Variants in WNT16 observed in about 807,000 individuals in gnomAD.
The protein encoded by WNT16 is Wnt family member 16.
A neutral mutation model predicts 35.4 loss-of-function variants in WNT16; 20 were observed. That is an observed-to-expected ratio of 0.56 (90% confidence interval 0.40 to 0.82). The LOEUF (loss-of-function observed/expected upper bound fraction) is 0.82, where lower values mean the gene tolerates loss of function less well. Ranked by LOEUF, WNT16 falls within the 40% of genes least tolerant of loss-of-function variation. The pLI is 0.00. For missense variants in WNT16, 461 were observed against 466.0 expected, an observed-to-expected ratio of 0.99 and a Z score of 0.10; for synonymous variants, 180 against 179.2, an observed-to-expected ratio of 1.00 and a Z score of -0.03.
At chr7:121,335,986 TTGTGTGTGTG>T (rs36224614) in intron 3 of WNT16, among the ~76,000 whole-genome samples, 23,654 of 140,184 alleles carry the variant, frequency 0.17, 2,069 homozygotes, top group African/African-American at 0.24. Context: ...GAATTAAACT[TTGTGTGTGTG>T]TGTGTGTGTG....
chr7:121,339,660 G>A lies in WNT16; in HGVS notation c.*315G>A. The stretch of plus-strand genomic sequence containing the variant: ...AGAAATAACAGGAAAGATCCCTTAT[G>A]CCAGGAGGCCTGCCATACTCAGGAT... On this transcript the variant is annotated 3_prime_UTR_variant, in exon 4 of 4. Transcript: ENST00000222462. 1 of 448,464 alleles carries A rather than the reference G, an allele frequency of 2.2e-6. No individual in the cohort carries two copies. The allele number at this position is 448,464 out of a possible 1,614,324, so 27.8% of individuals were successfully genotyped here. A position where few individuals can be genotyped will look rare whatever the true frequency, so the allele number is the denominator to read the frequency against.
At chr7:121,330,305 A>G (rs1181772831) in intron 2 of WNT16, among the ~76,000 whole-genome samples, 1 of 152,216 alleles carries the variant, frequency 6.6e-6, no homozygotes, top group Non-Finnish European at 1.5e-5. Context: ...TGACAGAATA[A>G]TGGTGACTTT....
At chr7:121,337,269 T>C (rs529706619) in intron 3 of WNT16, among the ~76,000 whole-genome samples, 22 of 152,224 alleles carry the variant, frequency 1.4e-4, no homozygotes, top group African/African-American at 1.9e-4. Flanking sequence ...ATATCAAGCA[T>C]TGCATAAATC....
At position 121,340,281 on chromosome 7, in the gene WNT16, T is replaced by G. The variant is rs995265583; in HGVS notation, c.*936T>G. 1.3e-5 allele frequency: 2 copies of G among 152,174 alleles called. No homozygotes were observed. The highest frequency in any genetic ancestry group is 2.9e-5 in the Non-Finnish European group (2 of 68,010). 9.4% of individuals were successfully genotyped at this position (152,174 alleles called of 1,614,324 possible). The stretch of plus-strand genomic sequence containing the variant: ...ACAGTGTTTTGTAAAGAATTTTGTT[T>G]AAAAAGTTTCTATTTTGTAAATACA... On this transcript the variant is annotated 3_prime_UTR_variant, in exon 4 of 4. Transcript: ENST00000222462.
In WNT16 at chr7:121,329,638, A is replaced by G; in HGVS notation, c.167A>G (p.Gln56Arg). The G allele has an allele frequency of 6.2e-7, 1 of 1,614,228 alleles. No homozygotes were observed. Among genetic ancestry groups the G allele is most frequent in the Non-Finnish European group, 8.5e-7 (1 of 1,180,028 alleles). The change falls in exon 2 of 4, where the codon CAG (glutamine) becomes CGG (arginine). Residue 56 changes from glutamine to arginine, a missense_variant. Transcript: ENST00000222462. ...GCANLPLNSRQKELCKRKPYL... is the reference protein window; with the variant it reads ...GCANLPLNSRRKELCKRKPYL... ...GCCAATTTGCCGCTGAACAGCCGCC[A>G]GAAGGAGCTGTGCAAGAGGAAACCG...
At chr7:121,334,605 G>A (rs1793407450) in intron 3 of WNT16, among the ~76,000 whole-genome samples, 1 of 152,086 alleles carries the variant, frequency 6.6e-6, no homozygotes, top group Non-Finnish European at 1.5e-5. Flanking sequence ...GTAGGAAAGT[G>A]TTCAGAGAAA....
intron 3 of WNT16, among the ~76,000 whole-genome samples, chr7:121,336,013 TG>T (rs1793440751): frequency 1.3e-5 from 2 of 151,532 alleles, no homozygotes; most frequent in East Asian, 3.9e-4. Context: ...TGTGTGTGTG[TG>T]TGTGTGTGTG....
In WNT16 at chr7:121,329,829, G is replaced by T. The variant is rs1350111532; in HGVS notation, c.346+12G>T. On this transcript the variant is annotated intron_variant, in intron 2 of 3. Coordinates refer to ENST00000222462, the MANE Select transcript of WNT16 (RefSeq NM_057168.2). The stretch of plus-strand genomic sequence containing the variant: ...CGAGCTGAGCAGCGGTGAGTCCTGG[G>T]TCCTTAGGGGTTGGTGGGGGACGGA... The T allele has an allele frequency of 6.3e-7, 1 of 1,596,464 alleles. No homozygotes were observed. The highest frequency in any genetic ancestry group is 1.7e-5 in the Admixed American group (1 of 59,744).
chr7:121,328,796 AG>A (rs1793281994), upstream of WNT16, among the ~76,000 whole-genome samples: 1 of 152,204 alleles, frequency 6.6e-6, no homozygotes, highest in South Asian at 2.1e-4. Flanking sequence ...ACAGCAGGAA[AG>A]GTCATGACAC....
At chr7:121,332,682 G>A (rs1554368046) in intron 3 of WNT16, among the ~76,000 whole-genome samples, 1 of 151,990 alleles carries the variant, frequency 6.6e-6, no homozygotes, top group Admixed American at 6.6e-5. Flanking sequence ...GTAAAGGAAA[G>A]TTTTTTTAGG....
At position 121,329,242 on chromosome 7, in the gene WNT16, G is replaced by A. The variant is rs1250469975; in HGVS notation, c.-51G>A. 6.7e-7 allele frequency: 1 copy of A among 1,493,384 alleles called. No homozygotes were observed. Among genetic ancestry groups the A allele is most frequent in the Admixed American group, 2.3e-5 (1 of 43,146 alleles). 92.5% of individuals were successfully genotyped at this position (1,493,384 alleles called of 1,614,324 possible). ...ACCTGCGGCCCGAAGGGCCTCTGGGGAGGGGGTGCAAAAGAGGAGCGGCTG... is the reference window on the plus strand; with the variant it reads ...ACCTGCGGCCCGAAGGGCCTCTGGGAAGGGGGTGCAAAAGAGGAGCGGCTG... On this transcript the variant is annotated 5_prime_UTR_variant, in exon 1 of 4. Coordinates refer to ENST00000222462, the MANE Select transcript of WNT16 (RefSeq NM_057168.2).
At chr7:121,328,398 G>T (rs567600440), upstream of WNT16, among the ~76,000 whole-genome samples, 1 of 152,182 alleles carries the variant, frequency 6.6e-6, no homozygotes, top group Non-Finnish European at 1.5e-5. Context: ...CACAGAGCAC[G>T]ATTGAAATAT....
intron 3 of WNT16, among the ~76,000 whole-genome samples, chr7:121,333,068 T>C (rs911710640): frequency 1.3e-5 from 2 of 152,062 alleles, no homozygotes; most frequent in African/African-American, 4.8e-5. Flanking sequence ...TGTAATAAAC[T>C]TTTTCAGGAC....
Position 121,329,682 on chromosome 7 carries a change from C to G in WNT16, c.211C>G (p.Arg71Gly), listed in dbSNP as rs775735025. The G allele has an allele frequency of 1.2e-6, 2 of 1,614,048 alleles. No homozygotes were observed. The highest frequency in any genetic ancestry group is 1.7e-6 in the Non-Finnish European group (2 of 1,180,034). ...KRKPYLLPSIREGARLGIQEC... is the reference protein window; with the variant it reads ...KRKPYLLPSIGEGARLGIQEC... ...GAAACCGTACCTGCTGCCGAGCATC[C>G]GAGAGGGCGCCCGGCTGGGCATTCA... The change falls in exon 2 of 4, where the codon CGA becomes GGA. Residue 71 changes from arginine to glycine, a missense_variant. Coordinates refer to ENST00000222462, the MANE Select transcript of WNT16 (RefSeq NM_057168.2).
intron 2 of WNT16, among the ~76,000 whole-genome samples, chr7:121,331,231 A>T (rs1406834814): frequency 6.6e-6 from 1 of 152,238 alleles, no homozygotes; most frequent in Non-Finnish European, 1.5e-5. Context: ...CAAAATGTTC[A>T]GCTTGTGTTC....
chr7:121,326,433 T>C (rs1173751798), upstream of WNT16, among the ~76,000 whole-genome samples: 1 of 152,160 alleles, frequency 6.6e-6, no homozygotes, highest in Non-Finnish European at 1.5e-5. Context: ...ACTCACGCCC[T>C]AAAATTGTGT....
chr7:121,335,299 A>G (rs1252471759), intron 3 of WNT16, among the ~76,000 whole-genome samples: 1 of 152,100 alleles, frequency 6.6e-6, no homozygotes, highest in Non-Finnish European at 1.5e-5. Context: ...ACCACTTCTC[A>G]AGCGGTTTCT....
chr7:121,333,936 C>T (rs1433015583), intron 3 of WNT16, among the ~76,000 whole-genome samples: 3 of 151,914 alleles, frequency 2.0e-5, no homozygotes, highest in Non-Finnish European at 2.9e-5. Flanking sequence ...CATTCGGCAG[C>T]TATTTGGTTT....
In WNT16 at chr7:121,329,406, G is replaced by A. The variant is rs1431366600; in HGVS notation, c.95+19G>A. The stretch of plus-strand genomic sequence containing the variant: ...ACTGGATGTGAGTATGGAGGTGGCA[G>A]GGAAGCATCGGGTAGGTGGCAAAAG... On this transcript the variant is annotated intron_variant, in intron 1 of 3. Transcript: ENST00000222462. 4 of 1,606,288 alleles carry A rather than the reference G, an allele frequency of 2.5e-6. No homozygotes were observed. The highest frequency in any genetic ancestry group is 3.4e-5 in the Admixed American group (2 of 59,398).
Sources: allele counts gnomAD v4.1 joint callset (sites outside exome capture counted in the v4.1 genomes callset), GRCh38; gene constraint gnomAD v4.1.1; transcripts MANE v1.5; gene names NCBI Gene and HGNC (gene_info 2026-07-23, HGNC 2026-07-21).